MMP16: variants seen among roughly 807,000 people sequenced by gnomAD.
The protein encoded by MMP16 is matrix metallopeptidase 16, also known as matrix metalloproteinase-16.
MMP16 carries 12 observed loss-of-function variants against 67.8 expected under a neutral mutation model. The ratio of observed to expected loss-of-function variants is 0.18; its 90% CI spans 0.11 to 0.29. MMP16 has a LOEUF of 0.29. Among genes scored for constraint, MMP16 ranks in the 10% least tolerant of loss-of-function variants. The probability of loss-of-function intolerance (pLI) is 1.00; values close to 1 mark genes in which losing one functional copy is unlikely to be tolerated. For missense variants in MMP16, 475 were observed against 765.7 expected, an observed-to-expected ratio of 0.62 and a Z score of 4.48; for synonymous variants, 249 against 255.9, an observed-to-expected ratio of 0.97 and a Z score of 0.26.
intron 1 of MMP16, among the ~76,000 whole-genome samples, chr8:88,241,068 T>C (rs1226241882): frequency 6.6e-6 from 1 of 151,696 alleles, no homozygotes; most frequent in African/African-American, 2.4e-5. Context: ...GCATCTGGAC[T>C]AAGTTTTGTT....
intron 1 of MMP16, among the ~76,000 whole-genome samples, chr8:88,253,293 C>G (rs1014260065): frequency 6.6e-6 from 1 of 152,094 alleles, no homozygotes; most frequent in African/African-American, 2.4e-5. Flanking sequence ...ACATAACTCC[C>G]TATTCCTTAA....
intron 1 of MMP16, among the ~76,000 whole-genome samples, chr8:88,303,268 CT>C (rs948511492): frequency 6.6e-6 from 1 of 152,174 alleles, no homozygotes; most frequent in Non-Finnish European, 1.5e-5. Flanking sequence ...GACCCACTGG[CT>C]TGGAATTCTC....
intron 6 of MMP16, among the ~76,000 whole-genome samples, chr8:88,093,215 C>CA (rs1378534006): frequency 6.6e-6 from 1 of 151,716 alleles, no homozygotes; most frequent in African/African-American, 2.4e-5. Context: ...ATCAGGCTAT[C>CA]AAAAAATGAT....
rs772473084 is a variant in MMP16 at position 88,168,018 on chromosome 8, T to C, written c.405-45A>G. ...ATCATCAGTATTGTTATGTATAAGC[T>C]AACTTAGTACAGGTTTTGATCGATT... On this transcript the variant is annotated intron_variant, in intron 3 of 9. Coordinates refer to ENST00000286614, the MANE Select transcript of MMP16 (RefSeq NM_005941.5). The C allele has an allele frequency of 1.9e-5, 28 of 1,452,926 alleles. No homozygotes were observed. The East Asian group carries it at 6.4e-4, about 33-fold the overall frequency. 90.0% of individuals were successfully genotyped at this position (1,452,926 alleles called of 1,614,324 possible). A position where few individuals can be genotyped will look rare whatever the true frequency, so the allele number is the denominator to read the frequency against.
chr8:88,259,184 T>G (rs1416029525), intron 1 of MMP16, among the ~76,000 whole-genome samples: 2 of 152,330 alleles, frequency 1.3e-5, no homozygotes. Flanking sequence ...AATAGCTACC[T>G]ATATATGGAT....
At chr8:88,073,659 C>G in intron 7 of MMP16, among the ~76,000 whole-genome samples, 1 of 152,108 alleles carries the variant, frequency 6.6e-6, no homozygotes, top group East Asian at 1.9e-4. Flanking sequence ...TTAAATATTA[C>G]AAGTGTTTCC....
intron 1 of MMP16, among the ~76,000 whole-genome samples, chr8:88,199,777 T>A (rs573453312): frequency 9.2e-5 from 14 of 152,070 alleles, no homozygotes; most frequent in African/African-American, 3.4e-4. Context: ...TACCCTTCCA[T>A]CCTCGTATGT....
chr8:88,084,971 AAT>A (rs1808810430), intron 6 of MMP16, among the ~76,000 whole-genome samples: 1 of 151,946 alleles, frequency 6.6e-6, no homozygotes, highest in African/African-American at 2.4e-5. Context: ...AAGAAACAAA[AAT>A]ATGTTTTGTG....
chr8:88,270,980 C>T (rs1810554453), intron 1 of MMP16, among the ~76,000 whole-genome samples: 1 of 152,096 alleles, frequency 6.6e-6, no homozygotes, highest in Non-Finnish European at 1.5e-5. Context: ...TGTATCTACC[C>T]AGACCTGGCA....
chr8:88,214,196 C>T (rs998817805), intron 1 of MMP16, among the ~76,000 whole-genome samples: 8 of 152,252 alleles, frequency 5.3e-5, no homozygotes, highest in Middle Eastern at 3.4e-3. Flanking sequence ...TTTACATCCA[C>T]GTCTCCATGG....
chr8:88,239,591 T>C (rs1173186905), intron 1 of MMP16, among the ~76,000 whole-genome samples: 15 of 152,004 alleles, frequency 9.9e-5, no homozygotes, highest in Admixed American at 9.2e-4. Flanking sequence ...CTGAAAAATC[T>C]CATGGTTTCC....
At chr8:88,265,868 C>A (rs532485768) in intron 1 of MMP16, among the ~76,000 whole-genome samples, 1 of 152,292 alleles carries the variant, frequency 6.6e-6, no homozygotes, top group South Asian at 2.1e-4. Context: ...AGCAAATCTA[C>A]ACTGACAACT....
At chr8:88,236,372 C>G (rs1476878489) in intron 1 of MMP16, among the ~76,000 whole-genome samples, 1 of 152,210 alleles carries the variant, frequency 6.6e-6, no homozygotes, top group Non-Finnish European at 1.5e-5. Flanking sequence ...GGTAGGCACT[C>G]ATAAACTAGC....
At chr8:88,196,377 T>TGTG (rs1333251820) in intron 2 of MMP16, among the ~76,000 whole-genome samples, 1 of 152,206 alleles carries the variant, frequency 6.6e-6, no homozygotes, top group African/African-American at 2.4e-5. Flanking sequence ...CGAAACTTAC[T>TGTG]GTGTACCTGT....
rs3101696 is a variant in MMP16, at chr8:88,148,700, A to C, written c.709+18969T>G. On this transcript the variant is annotated intron_variant, in intron 4 of 9. Transcript: ENST00000286614. Reference sequence around the variant, plus strand: ...GAATGTGATGTCAAAATATTCAATAAAAATTGTACATTATTGCTTATCTAT... The same window carrying C: ...GAATGTGATGTCAAAATATTCAATACAAATTGTACATTATTGCTTATCTAT... 7.1e-3 allele frequency among the ~76,000 whole-genome samples: 1,076 copies of C among 151,582 alleles called. 19 individuals are homozygous for C. The highest frequency in any genetic ancestry group is 0.025 in the African/African-American group (1,022 of 41,216).
intron 7 of MMP16, 31 bp downstream of exon 7, chr8:88,074,574 C>T: frequency 6.2e-7 from 1 of 1,606,476 alleles, no homozygotes; most frequent in Non-Finnish European, 8.5e-7. Context: ...GATTAAAATA[C>T]AACATAGCCA....
intron 1 of MMP16, among the ~76,000 whole-genome samples, chr8:88,243,058 A>G: frequency 6.6e-6 from 1 of 152,210 alleles, no homozygotes; most frequent in East Asian, 1.9e-4. Context: ...TATACTTGCA[A>G]GAATGTTTTT....
At chr8:88,066,768 T>G (rs1808468654) in intron 7 of MMP16, among the ~76,000 whole-genome samples, 2 of 152,084 alleles carry the variant, frequency 1.3e-5, no homozygotes, top group South Asian at 2.1e-4. Flanking sequence ...AAAAAGTATC[T>G]AAAATACTTG....
chr8:88,324,758 A>C (rs934216819), intron 1 of MMP16, among the ~76,000 whole-genome samples: 1 of 152,162 alleles, frequency 6.6e-6, no homozygotes, highest in African/African-American at 2.4e-5. Context: ...CTATCAAAAA[A>C]AAGTCAAATA....
Sources: gnomAD v4.1 joint callset for allele counts (sites outside exome capture counted in the v4.1 genomes callset) on GRCh38, gnomAD v4.1.1 for gene constraint, MANE v1.5 for transcripts, NCBI Gene and HGNC (gene_info 2026-07-23, HGNC 2026-07-21) for gene names.